The following RASSF8 variants were observed in gnomAD, a reference collection of about 807,000 sequenced individuals.
RASSF8 encodes Ras association domain family member 8.
A neutral mutation model predicts 48.5 loss-of-function variants in RASSF8; 22 were observed. The ratio of observed to expected loss-of-function variants is 0.45; its 90% CI spans 0.32 to 0.65. The LOEUF (loss-of-function observed/expected upper bound fraction) is 0.65. Ranked by LOEUF, RASSF8 falls within the 30% of genes least tolerant of loss-of-function variation. The probability of loss-of-function intolerance (pLI) is 0.03; values close to 1 mark genes in which losing one functional copy is unlikely to be tolerated. For synonymous variants in RASSF8, 127 were observed against 171.5 expected (o/e 0.74, Z 2.03); for missense variants, 418 against 489.2 (o/e 0.85, Z 1.37).
At chr12:26,032,898 G>A (rs1943058354) in intron 2 of RASSF8, among the ~76,000 whole-genome samples, 2 of 152,166 alleles carry the variant, frequency 1.3e-5, no homozygotes, top group Admixed American at 1.3e-4. Context: ...CTACAAAGCT[G>A]TTAGAGTAAA....
rs185030250 is a variant in RASSF8 at position 26,069,551 on chromosome 12, A to C, written c.*733A>C. On this transcript the variant is annotated 3_prime_UTR_variant, in exon 6 of 6. Coordinates refer to ENST00000689635, the MANE Select transcript of RASSF8 (RefSeq NM_001394098.1). ...ATAAAACATTTGCAGTGTTTCAGAC[A>C]CTGTTGAACAAAAATGTAATTGGTA... is the stretch of plus-strand genomic sequence containing the variant. 2 of 985,360 alleles carry C rather than the reference A, an allele frequency of 2.0e-6. No individual in the cohort carries two copies. The highest frequency in any genetic ancestry group is 4.7e-5 in the South Asian group (1 of 21,294). The allele number at this position is 985,360 out of a possible 1,614,324, so 61.0% of individuals were successfully genotyped here.
chr12:26,079,327 G>A (rs1944097872), exon 6 of RASSF8: 1 of 285,084 alleles, frequency 3.5e-6, no homozygotes, highest in East Asian at 6.7e-5. Context: ...GCTCACGCCT[G>A]TAATCTCAGC....
At chr12:25,995,949 C>T (rs4963949) in intron 2 of RASSF8, among the ~76,000 whole-genome samples, 14,922 of 152,164 alleles carry the variant, frequency 0.098, 774 homozygotes, top group Middle Eastern at 0.14. Context: ...GATGCTGGAT[C>T]TCGAAGGTCT....
chr12:26,026,990 A>T (rs1357044052), intron 2 of RASSF8, among the ~76,000 whole-genome samples: 4 of 152,218 alleles, frequency 2.6e-5, no homozygotes, highest in Non-Finnish European at 1.5e-5. Context: ...AATAGAAACA[A>T]CCCAAATGAT....
At position 25,964,060 on chromosome 12, in the gene RASSF8, A is replaced by G. The variant is rs141250491; in HGVS notation, c.-203+4912A>G. Among the ~76,000 whole-genome samples, 248 of 152,338 alleles carry G rather than the reference A, an allele frequency of 1.6e-3. 1 individual carries two copies. In the Middle Eastern group the frequency reaches 0.02, roughly 13 times the overall value. ...GCACACCAGGTGATTTGCCTCGTGT[A>G]GGCCCTCTGTGCCTGCAGGACATTC... On this transcript the variant is annotated intron_variant, in intron 1 of 5. Coordinates refer to ENST00000689635, the MANE Select transcript of RASSF8 (RefSeq NM_001394098.1).
intron 2 of RASSF8, among the ~76,000 whole-genome samples, chr12:26,050,910 TGTATATA>T (rs1943476557): frequency 6.6e-6 from 1 of 152,238 alleles, no homozygotes; most frequent in Admixed American, 6.5e-5. Flanking sequence ...ATGGCAAGTT[TGTATATA>T]TTATCTGATC....
chr12:26,033,289 A>C (rs1432307380), intron 2 of RASSF8, among the ~76,000 whole-genome samples: 2 of 152,178 alleles, frequency 1.3e-5, no homozygotes, highest in African/African-American at 2.4e-5. Context: ...GTATTTTCTC[A>C]TGTATGTATT....
intron 2 of RASSF8, among the ~76,000 whole-genome samples, chr12:26,009,915 T>C (rs1157963662): frequency 1.3e-5 from 2 of 152,046 alleles, no homozygotes. Context: ...AAGTAATCAG[T>C]GGGAGGAGAG....
intron 2 of RASSF8, among the ~76,000 whole-genome samples, chr12:26,026,338 A>G (rs375940526): frequency 2.6e-5 from 4 of 152,370 alleles, no homozygotes; most frequent in African/African-American, 4.8e-5. Context: ...CAAATGGCCA[A>G]TCAGCAAATG....
At chr12:26,075,316 G>T (rs1944062466), downstream of RASSF8, among the ~76,000 whole-genome samples, 1 of 152,190 alleles carries the variant, frequency 6.6e-6, no homozygotes, top group Non-Finnish European at 1.5e-5. Flanking sequence ...CAAGGGGTTG[G>T]CACAGGAGCA....
chr12:26,025,816 G>T (rs2137084623), intron 2 of RASSF8, among the ~76,000 whole-genome samples: 1 of 151,734 alleles, frequency 6.6e-6, no homozygotes, highest in Non-Finnish European at 1.5e-5. Context: ...AAATGCTTAG[G>T]AATAAATTTC....
At chr12:26,001,496 T>C (rs193117296) in intron 2 of RASSF8, among the ~76,000 whole-genome samples, 84 of 152,336 alleles carry the variant, frequency 5.5e-4, no homozygotes, top group African/African-American at 2.0e-3. Context: ...AAATACATTG[T>C]ACAGCTGTGC....
At chr12:25,975,029 A>G (rs1941572541) in intron 1 of RASSF8, among the ~76,000 whole-genome samples, 1 of 152,188 alleles carries the variant, frequency 6.6e-6, no homozygotes. Context: ...AATGGATAAA[A>G]TAGAGATGTG....
chr12:26,055,509 G>GT, intron 3 of RASSF8, 63 bp downstream of exon 3: 1 of 1,331,364 alleles, frequency 7.5e-7, no homozygotes, highest in Non-Finnish European at 1.1e-6. Context: ...GTATGTGTTT[G>GT]TTTTAAATAT....
At chr12:25,996,601 A>C (rs890904225) in intron 2 of RASSF8, among the ~76,000 whole-genome samples, 1 of 152,036 alleles carries the variant, frequency 6.6e-6, no homozygotes, top group Non-Finnish European at 1.5e-5. Flanking sequence ...AAGAGTTTTC[A>C]TTTTTTGCGG....
chr12:26,009,272 TCTA>T (rs1373000952), intron 2 of RASSF8, among the ~76,000 whole-genome samples: 2 of 152,230 alleles, frequency 1.3e-5, no homozygotes, highest in African/African-American at 4.8e-5. Context: ...TGTTAACACT[TCTA>T]CTGATCAAAC....
chr12:25,989,033 C>T (rs751181759), intron 1 of RASSF8, among the ~76,000 whole-genome samples: 9 of 152,216 alleles, frequency 5.9e-5, no homozygotes, highest in Non-Finnish European at 8.8e-5. Flanking sequence ...TGCAAACTCA[C>T]TGTGCCTCCA....
chr12:25,981,894 AAT>A (rs1941753609), intron 1 of RASSF8, among the ~76,000 whole-genome samples: 1 of 152,180 alleles, frequency 6.6e-6, no homozygotes, highest in Non-Finnish European at 1.5e-5. Context: ...GTCTATATCA[AAT>A]TTAATTTGTG....
intron 2 of RASSF8, among the ~76,000 whole-genome samples, chr12:26,014,122 G>C (rs1410017705): frequency 6.6e-6 from 1 of 152,222 alleles, no homozygotes; most frequent in African/African-American, 2.4e-5. Flanking sequence ...CAGCCAGCTG[G>C]TGCCTTGTGC....
Sources: allele counts gnomAD v4.1 joint callset (sites outside exome capture counted in the v4.1 genomes callset), GRCh38; gene constraint gnomAD v4.1.1; transcripts MANE v1.5; gene names NCBI Gene and HGNC (gene_info 2026-07-23, HGNC 2026-07-21).